The following OCA2 variants were observed in gnomAD, a reference collection of about 807,000 sequenced individuals.
OCA2 encodes OCA2 melanosomal transmembrane protein.
Under a neutral mutation model 100.2 loss-of-function variants are expected in OCA2, and 77 were observed. That is an observed-to-expected ratio of 0.77 (90% confidence interval 0.64 to 0.93). OCA2 has a LOEUF of 0.93. Ranked by LOEUF, OCA2 falls within the 40% of genes least tolerant of loss-of-function variation. OCA2 has a pLI of 0.00. For synonymous variants in OCA2, 432 were observed against 439.2 expected (o/e 0.98, Z 0.21); for missense variants, 1,062 against 1,089.1 (o/e 0.98, Z 0.35).
At chr15:28,024,233 C>T (rs1304138511) in intron 5 of OCA2, among the ~76,000 whole-genome samples, 1 of 152,180 alleles carries the variant, frequency 6.6e-6, no homozygotes, top group Non-Finnish European at 1.5e-5. Context: ...GCCATGGGCT[C>T]ACCAGAGCAG....
At chr15:28,055,857 C>T (rs1443736844) in intron 2 of OCA2, among the ~76,000 whole-genome samples, 1 of 152,242 alleles carries the variant, frequency 6.6e-6, no homozygotes, top group African/African-American at 2.4e-5. Flanking sequence ...CAGCTGACCC[C>T]TGCTTCAGAT....
intron 23 of OCA2, among the ~76,000 whole-genome samples, chr15:27,764,580 C>T (rs2031106427): frequency 2.0e-5 from 3 of 152,180 alleles, no homozygotes; most frequent in South Asian, 4.1e-4. Flanking sequence ...GACTGGGACT[C>T]AGCCGCCCAT....
rs142346907 is a variant in OCA2 at position 28,022,830 on chromosome 15, G to A, written c.574-257C>T. 3.3e-5 allele frequency among the ~76,000 whole-genome samples: 5 copies of A among 152,226 alleles called. No homozygotes were observed. In the East Asian group the frequency reaches 5.8e-4, roughly 18 times the overall value. ...TGCCTGGCCATAAAATTAAATCATC[G>A]AAGAAGGATAAATGTGGTTTTCTCA... On this transcript the variant is annotated intron_variant, in intron 5 of 23. Coordinates refer to ENST00000354638, the MANE Select transcript of OCA2 (RefSeq NM_000275.3).
intron 23 of OCA2, among the ~76,000 whole-genome samples, chr15:27,795,791 G>A (rs1341128280): frequency 6.6e-6 from 1 of 152,178 alleles, no homozygotes; most frequent in Non-Finnish European, 1.5e-5. Flanking sequence ...TGGGTCCAGA[G>A]CTGCCTTCTC....
chr15:27,805,171 G>A (rs991857793), intron 23 of OCA2, among the ~76,000 whole-genome samples: 1 of 152,266 alleles, frequency 6.6e-6, no homozygotes, highest in Non-Finnish European at 1.5e-5. Flanking sequence ...ACCGCGCAGA[G>A]CGCCCAGCGC....
chr15:27,975,180 T>C (rs1453195699), intron 14 of OCA2, among the ~76,000 whole-genome samples: 1 of 152,174 alleles, frequency 6.6e-6, no homozygotes, highest in African/African-American at 2.4e-5. Context: ...TTAATTCAGA[T>C]TGTGTGTAAG....
intron 2 of OCA2, among the ~76,000 whole-genome samples, chr15:28,075,515 T>A (rs6497263): frequency 0.25 from 37,998 of 152,158 alleles, 9,394 homozygotes; most frequent in African/African-American, 0.64. Context: ...CAATTTGGCC[T>A]TTGCTTAGAC....
chr15:27,913,364 G>GA (rs33934151), intron 19 of OCA2, among the ~76,000 whole-genome samples: 27 of 149,270 alleles, frequency 1.8e-4, no homozygotes, highest in South Asian at 1.5e-3. Context: ...CCTTGTTTTT[G>GA]AAAAAAAAAA....
chr15:27,973,217 C>T (rs1794844265), intron 14 of OCA2, among the ~76,000 whole-genome samples: 1 of 152,100 alleles, frequency 6.6e-6, no homozygotes. Flanking sequence ...TTTGTTTCTG[C>T]AGCATTTGTT....
At chr15:27,871,371 C>A (rs1016769701) in intron 20 of OCA2, 113 bp from the exon 21 acceptor site, 8 of 773,742 alleles carry the variant, frequency 1.0e-5, no homozygotes, top group East Asian at 2.6e-5. Flanking sequence ...TCTTACCCAT[C>A]ACGAGACCAA....
intron 2 of OCA2, among the ~76,000 whole-genome samples, chr15:28,037,901 G>T (rs1327728785): frequency 1.3e-5 from 2 of 152,166 alleles, no homozygotes; most frequent in Non-Finnish European, 2.9e-5. Context: ...ACTCTGCATG[G>T]AGCAGCAGTC....
At chr15:27,814,329 C>T (rs925353519) in intron 23 of OCA2, among the ~76,000 whole-genome samples, 1 of 152,008 alleles carries the variant, frequency 6.6e-6, no homozygotes, top group Admixed American at 6.6e-5. Context: ...AAATGTATAA[C>T]AGTAAACGAA....
chr15:27,941,691 C>T (rs2039653021), intron 18 of OCA2, among the ~76,000 whole-genome samples: 1 of 152,212 alleles, frequency 6.6e-6, no homozygotes, highest in Non-Finnish European at 1.5e-5. Flanking sequence ...AGAGGAGAGA[C>T]ACTGGCCTTC....
intron 2 of OCA2, among the ~76,000 whole-genome samples, chr15:28,066,869 A>G (rs2044040441): frequency 1.3e-5 from 2 of 152,178 alleles, no homozygotes; most frequent in South Asian, 2.1e-4. Flanking sequence ...ATTCCTTTCT[A>G]TTGATTCCAT....
intron 19 of OCA2, among the ~76,000 whole-genome samples, chr15:27,889,812 C>T (rs535210487): frequency 2.6e-5 from 4 of 152,202 alleles, no homozygotes; most frequent in Non-Finnish European, 5.9e-5. Flanking sequence ...ACAGGCTGGA[C>T]AGCATCAAGG....
At chr15:27,881,155 A>G (rs2036997515) in intron 19 of OCA2, among the ~76,000 whole-genome samples, 1 of 152,110 alleles carries the variant, frequency 6.6e-6, no homozygotes, top group Admixed American at 6.5e-5. Context: ...TATGTGATGG[A>G]TTACATTTAT....
At chr15:27,865,623 G>A (rs2036291558) in intron 21 of OCA2, among the ~76,000 whole-genome samples, 1 of 152,208 alleles carries the variant, frequency 6.6e-6, no homozygotes, top group South Asian at 2.1e-4. Context: ...GGTGCAGAGA[G>A]GACCAGTTAC....
intron 1 of OCA2, among the ~76,000 whole-genome samples, chr15:28,097,387 A>T (rs187471168): frequency 1.3e-3 from 205 of 152,324 alleles, no homozygotes; most frequent in Admixed American, 2.9e-3. Context: ...GGCCCCAAGG[A>T]GCTGAGGGAG....
chr15:28,041,817 C>T (rs2057425425), intron 2 of OCA2, among the ~76,000 whole-genome samples: 1 of 152,050 alleles, frequency 6.6e-6, no homozygotes, highest in Admixed American at 6.5e-5. Flanking sequence ...TAGAAGAATA[C>T]ACACATGATG....
Sources: gnomAD v4.1 joint callset for allele counts (sites outside exome capture counted in the v4.1 genomes callset) on GRCh38, gnomAD v4.1.1 for gene constraint, MANE v1.5 for transcripts, NCBI Gene and HGNC (gene_info 2026-07-23, HGNC 2026-07-21) for gene names.